The following FRMD8 variants were observed in gnomAD, a reference collection of about 807,000 sequenced individuals.
FRMD8 encodes FERM domain-containing protein 8.
In FRMD8, 37 loss-of-function variants were observed where a neutral mutation model predicts 54.2. The ratio of observed to expected loss-of-function variants is 0.68; its 90% confidence interval spans 0.53 to 0.90. The LOEUF (loss-of-function observed/expected upper bound fraction) is 0.90. FRMD8 is among the 40% of genes least tolerant of loss of function. The pLI is 0.00. For missense variants in FRMD8, 585 were observed against 653.7 expected (o/e 0.89, Z 1.15); for synonymous variants, 246 against 286.9 (o/e 0.86, Z 1.44).
intron 3 of FRMD8, among the ~76,000 whole-genome samples, chr11:65,391,900 C>T (rs1453266188): frequency 2.6e-5 from 4 of 152,194 alleles, no homozygotes; most frequent in African/African-American, 7.2e-5. Context: ...CCCATGTGGC[C>T]TCAGGCACTG....
At chr11:65,385,359 G>A (rs1375395050), upstream of FRMD8, among the ~76,000 whole-genome samples, 1 of 152,206 alleles carries the variant, frequency 6.6e-6, no homozygotes, top group East Asian at 1.9e-4. Flanking sequence ...GTGGGGCAGT[G>A]TGGATCATAG....
At chr11:65,384,950 A>G (rs1855707299), upstream of FRMD8, among the ~76,000 whole-genome samples, 1 of 152,052 alleles carries the variant, frequency 6.6e-6, no homozygotes, top group African/African-American at 2.4e-5. Flanking sequence ...GCCTCAGGCG[A>G]TCCTCCTGCC....
the FRMD8 span, chr11:65,379,316 G>C: frequency 6.3e-7 from 1 of 1,581,614 alleles, no homozygotes; most frequent in East Asian, 2.2e-5. Flanking sequence ...GGGTGGGAGA[G>C]GACAGATCGA....
At chr11:65,380,036 C>G in the FRMD8 span, 1 of 1,584,866 alleles carries the variant, frequency 6.3e-7, no homozygotes, top group Admixed American at 1.7e-5. Flanking sequence ...GCAGGAGAGG[C>G]AGGAAAGGCA....
the FRMD8 span, among the ~76,000 whole-genome samples, chr11:65,372,182 G>A: frequency 4.0e-4 from 61 of 152,310 alleles, no homozygotes; most frequent in Admixed American, 6.5e-4. Context: ...AAAGTGCTAG[G>A]ATTACAGATG....
At chr11:65,370,536 C>T in the FRMD8 span, among the ~76,000 whole-genome samples, 5 of 151,568 alleles carry the variant, frequency 3.3e-5, no homozygotes, top group Admixed American at 3.3e-4. Context: ...CCCATCTCTA[C>T]TAAAAATACA....
chr11:65,390,300 G>A (rs1407172391), intron 3 of FRMD8, among the ~76,000 whole-genome samples: 1 of 152,152 alleles, frequency 6.6e-6, no homozygotes, highest in Non-Finnish European at 1.5e-5. Flanking sequence ...TCGCACAGGA[G>A]GGGGCCAAGG....
chr11:65,376,272 C>T, the FRMD8 span: 99 of 1,129,472 alleles, frequency 8.8e-5, no homozygotes, highest in Non-Finnish European at 1.2e-4. Context: ...CCCAGATCTG[C>T]GCGGGTGGGA....
At chr11:65,409,792 T>G (rs1194367425) in intron 10 of FRMD8, among the ~76,000 whole-genome samples, 5 of 151,330 alleles carry the variant, frequency 3.3e-5, no homozygotes, top group Admixed American at 6.6e-5. Context: ...AAAGAAAAAT[T>G]TATTAACGTC....
intron 10 of FRMD8, among the ~76,000 whole-genome samples, chr11:65,409,132 C>CTGT (rs1856273860): frequency 6.6e-6 from 1 of 151,926 alleles, no homozygotes; most frequent in Admixed American, 6.6e-5. Context: ...GTTGCCCAGG[C>CTGT]TGGAGTGCAA....
At chr11:65,379,128 T>C in the FRMD8 span, 2 of 498,302 alleles carry the variant, frequency 4.0e-6, no homozygotes, top group Non-Finnish European at 7.1e-6. Context: ...CTGGAGCGAG[T>C]GGCCCAGGCT....
chr11:65,373,189 A>G, the FRMD8 span, among the ~76,000 whole-genome samples: 1 of 152,296 alleles, frequency 6.6e-6, no homozygotes, highest in African/African-American at 2.4e-5. Flanking sequence ...GTGAGCCGAG[A>G]TCGTGCCACC....
the FRMD8 span, chr11:65,378,254 G>C: frequency 3.3e-5 from 5 of 152,254 alleles, no homozygotes; most frequent in Non-Finnish European, 7.3e-5. Context: ...GGTCAGCTTC[G>C]GCGAAGACCA....
rs759855844 is a variant in FRMD8 at position 65,396,832 on chromosome 11, C to G, written c.615C>G (p.Leu205=). 96 of 1,561,372 alleles carry G rather than the reference C, an allele frequency of 6.1e-5. No homozygotes were observed. Among genetic ancestry groups the G allele is most frequent in the Middle Eastern group, 3.4e-4 (2 of 5,876 alleles). Residue 205 remains leucine (L), a synonymous_variant, in exon 7 of 11, where the codon CTC becomes CTG. Transcript: ENST00000317568. ...TGGACTCCTTCCTCCCTGCCCACCT[C>G]TGTAAGCGGGGCCAGAGTCTCTTTG... ...EKLDSFLPAH[L]CKRGQSLFAA...
rs777028796 is a variant in FRMD8 at position 65,396,829 on chromosome 11, C to T, written c.612C>T (p.His204=). ...AGCTGGACTCCTTCCTCCCTGCCCACCTCTGTAAGCGGGGCCAGAGTCTCT... is the reference window on the plus strand; with the variant it reads ...AGCTGGACTCCTTCCTCCCTGCCCATCTCTGTAAGCGGGGCCAGAGTCTCT... ...REKLDSFLPA[H]LCKRGQSLFA... The change falls in exon 7 of 11, where the codon CAC becomes CAT. Residue 204 remains histidine (H), a synonymous_variant. Coordinates refer to ENST00000317568, the MANE Select transcript of FRMD8 (RefSeq NM_031904.5). 3 of 1,559,384 alleles carry T rather than the reference C, an allele frequency of 1.9e-6. No individual in the cohort carries two copies. The African/African-American group carries it at 4.2e-5, about 22-fold the overall frequency.
Position 65,387,045 on chromosome 11 carries a change from G to A in FRMD8, c.9G>A (p.Gly3=), listed in dbSNP as rs1855746855. MD[G]TEGSAGQPGP... ...TCTCTTTGCCTTTGCAGATGGACGG[G>A]ACAGAAGGCAGTGCCGGGCAGCCCG... Residue 3 remains glycine, a synonymous_variant, in exon 2 of 11, where the codon GGG becomes GGA. Transcript: ENST00000317568. The A allele has an allele frequency of 3.7e-6, 6 of 1,609,496 alleles. No individual in the cohort carries two copies. Among genetic ancestry groups the A allele is most frequent in the Non-Finnish European group, 5.1e-6 (6 of 1,179,964 alleles).
At chr11:65,384,586 A>G (rs1855700829), upstream of FRMD8, among the ~76,000 whole-genome samples, 1 of 152,188 alleles carries the variant, frequency 6.6e-6, no homozygotes, top group African/African-American at 2.4e-5. Context: ...AGGACGCATG[A>G]GAATGACACA....
At chr11:65,387,010 A>G (rs1178594755) in intron 1 of FRMD8, 27 bp from the exon 2 acceptor site, 1 of 1,590,344 alleles carries the variant, frequency 6.3e-7, no homozygotes, top group East Asian at 2.3e-5. Flanking sequence ...GGCTCCCGGT[A>G]ACTGCTGTTT....
intron 7 of FRMD8, among the ~76,000 whole-genome samples, chr11:65,398,014 T>C (rs1172994232): frequency 6.6e-6 from 1 of 151,794 alleles, no homozygotes; most frequent in African/African-American, 2.4e-5. Context: ...TAGCTGGGAC[T>C]ACAGGTCTGC....
Sources: gnomAD v4.1 joint callset for allele counts (sites outside exome capture counted in the v4.1 genomes callset) on GRCh38, gnomAD v4.1.1 for gene constraint, MANE v1.5 for transcripts, NCBI Gene and HGNC (gene_info 2026-07-23, HGNC 2026-07-21) for gene names.